Variants in BCR observed in about 807,000 individuals in gnomAD.
The protein encoded by BCR is BCR activator of RhoGEF and GTPase.
Under a neutral mutation model 138.6 loss-of-function variants are expected in BCR, and 58 were observed. That is an observed-to-expected ratio of 0.42 (90% CI 0.34 to 0.52). BCR has a LOEUF of 0.52. BCR is among the 20% of genes least tolerant of loss of function. The pLI, the probability that BCR is intolerant of heterozygous loss-of-function variation, is 0.06. For synonymous variants in BCR, 786 were observed against 730.1 expected, an observed-to-expected ratio of 1.08 and a Z score of -1.23; for missense variants, 1,599 against 1,727.2, an observed-to-expected ratio of 0.93 and a Z score of 1.32.
rs1360504227 is a variant in BCR at position 23,181,410 on chromosome 22, C to T, written c.450C>T (p.Ser150=). ...GERDDRGPPA[S]VAALRSNFER... ...GGGACGACCGGGGACCCCCCGCCAG[C>T]GTGGCGGCGCTCAGGTCCAACTTCG... Residue 150 remains serine, a synonymous_variant, in exon 1 of 23, where the codon AGC becomes AGT. Transcript: ENST00000305877. 6.4e-7 allele frequency: 1 copy of T among 1,572,604 alleles called. No individual in the cohort carries two copies.
At chr22:23,270,017 T>G (rs16998934) in intron 5 of BCR, among the ~76,000 whole-genome samples, 8,774 of 151,472 alleles carry the variant, frequency 0.058, 857 homozygotes, top group African/African-American at 0.2. Context: ...CGTGAAAGTT[T>G]GTGGCACCTG....
At chr22:23,269,356 C>T (rs1033888591) in intron 5 of BCR, among the ~76,000 whole-genome samples, 2 of 152,232 alleles carry the variant, frequency 1.3e-5, no homozygotes, top group Admixed American at 1.3e-4. Flanking sequence ...TCTGACTTGG[C>T]TTTCCCCCAC....
chr22:23,267,380 G>A (rs1333870649), intron 4 of BCR, among the ~76,000 whole-genome samples: 1 of 152,166 alleles, frequency 6.6e-6, no homozygotes, highest in Non-Finnish European at 1.5e-5. Flanking sequence ...TACACTCTAA[G>A]ACCCTTCTTG....
chr22:23,311,604 C>A, intron 18 of BCR, 93 bp from the exon 19 acceptor site: 3 of 1,138,928 alleles, frequency 2.6e-6, no homozygotes, highest in Non-Finnish European at 3.8e-6. Flanking sequence ...CCGTCCTCAC[C>A]CCACCTCCGG....
intron 1 of BCR, among the ~76,000 whole-genome samples, chr22:23,194,877 G>C (rs2146203634): frequency 6.6e-6 from 1 of 152,268 alleles, no homozygotes; most frequent in South Asian, 2.1e-4. Context: ...GGAATTCAGG[G>C]CTGGAGCAAA....
intron 8 of BCR, among the ~76,000 whole-genome samples, chr22:23,276,971 C>T (rs974454060): frequency 3.9e-5 from 6 of 152,196 alleles, no homozygotes; most frequent in Admixed American, 6.5e-5. Context: ...TCACAGCCTG[C>T]GAGGGACTTT....
intron 5 of BCR, among the ~76,000 whole-genome samples, chr22:23,270,400 C>T (rs981266110): frequency 2.0e-5 from 3 of 152,206 alleles, no homozygotes; most frequent in African/African-American, 7.2e-5. Flanking sequence ...GCAGGTTTTC[C>T]TGGAGCTCCT....
At chr22:23,231,150 A>G (rs900845713) in intron 1 of BCR, among the ~76,000 whole-genome samples, 5 of 152,164 alleles carry the variant, frequency 3.3e-5, no homozygotes, top group African/African-American at 1.2e-4. Flanking sequence ...CCTAATGGGA[A>G]AGAAGGGATT....
At chr22:23,258,908 G>A (rs2073325824) in intron 2 of BCR, among the ~76,000 whole-genome samples, 1 of 152,248 alleles carries the variant, frequency 6.6e-6, no homozygotes, top group East Asian at 1.9e-4. Flanking sequence ...AAGTGGACGG[G>A]GCTGTCACAG....
chr22:23,189,747 G>T (rs564393978), intron 1 of BCR, among the ~76,000 whole-genome samples: 7 of 152,066 alleles, frequency 4.6e-5, no homozygotes, highest in South Asian at 4.1e-4. Flanking sequence ...TGATCCACCC[G>T]CCTCGGCCTC....
At chr22:23,183,895 T>C (rs2072304019) in intron 1 of BCR, among the ~76,000 whole-genome samples, 1 of 152,132 alleles carries the variant, frequency 6.6e-6, no homozygotes, top group Non-Finnish European at 1.5e-5. Flanking sequence ...AGTAAATGAA[T>C]ATAGGAATTA....
intron 1 of BCR, among the ~76,000 whole-genome samples, chr22:23,244,876 A>G (rs774757240): frequency 1.3e-5 from 2 of 152,140 alleles, no homozygotes; most frequent in South Asian, 2.1e-4. Flanking sequence ...CCGGCCCCCA[A>G]CCTGAAGCCT....
rs779887087 is a variant in BCR, at chr22:23,271,582, C to T, written c.1911C>T (p.Asn637=). The part of the protein sequence containing the change: ...NKDAKDPTTK[N]SLETLLYKPV... ...ATGCCAAGGATCCAACGACCAAGAA[C>T]TCTCTGGAAAGTGAGTTCTGCATGC... Residue 637 remains asparagine, a synonymous_variant, in exon 6 of 23, where the codon AAC becomes AAT. Coordinates refer to ENST00000305877, the MANE Select transcript of BCR (RefSeq NM_004327.4). 8.1e-6 allele frequency: 13 copies of T among 1,613,902 alleles called. 1 individual carries two copies. In the South Asian group the frequency reaches 1.3e-4, roughly 16 times the overall value.
rs577792521 is a variant in BCR at position 23,272,952 on chromosome 22, G to A, written c.1922-129G>A. 8.9e-5 allele frequency: 85 copies of A among 958,558 alleles called. No homozygotes were observed. In the Middle Eastern group the frequency reaches 9.7e-4, roughly 11 times the overall value. 59.4% of individuals were successfully genotyped at this position (958,558 alleles called of 1,614,324 possible). ...GCTCTAGCCTTGCCCTTGTCACTGC[G>A]CAGAGGGGAGATGGGGCCTGTGGAG... On this transcript the variant is annotated intron_variant, in intron 6 of 22. Coordinates refer to ENST00000305877, the MANE Select transcript of BCR (RefSeq NM_004327.4).
At chr22:23,283,649 T>G (rs1476437442) in intron 8 of BCR, 1 of 238,866 alleles carries the variant, frequency 4.2e-6, no homozygotes, top group Non-Finnish European at 8.1e-6. Context: ...GCAGACTGTT[T>G]GCTTGGCTGT....
chr22:23,269,191 A>C (rs2073480627), intron 5 of BCR, among the ~76,000 whole-genome samples: 2 of 152,218 alleles, frequency 1.3e-5, no homozygotes, highest in African/African-American at 4.8e-5. Context: ...CCCAGCCAGA[A>C]CCAGAACCCA....
chr22:23,185,670 A>C (rs550324862), intron 1 of BCR, among the ~76,000 whole-genome samples: 5 of 149,160 alleles, frequency 3.4e-5, no homozygotes, highest in African/African-American at 1.2e-4. Context: ...AGTCTCAAAA[A>C]ACAAACAAAA....
At chr22:23,247,925 T>C (rs2073173746) in intron 1 of BCR, among the ~76,000 whole-genome samples, 1 of 152,244 alleles carries the variant, frequency 6.6e-6, no homozygotes, top group South Asian at 2.1e-4. Context: ...GATGTTCCAT[T>C]GCGTGTATAC....
At position 23,313,958 on chromosome 22, in the gene BCR, C is replaced by T; in HGVS notation, c.3458-10C>T. On this transcript the variant is annotated splice_polypyrimidine_tract_variant and intron_variant, in intron 20 of 22. Transcript: ENST00000305877. ...TGTGACCCCAAGGAGTAACCCACCG[C>T]CTTCTGCAGCTCTTTCAGACCCGGT... 1 of 1,612,558 alleles carries T rather than the reference C, an allele frequency of 6.2e-7. No individual in the cohort carries two copies. Among genetic ancestry groups the T allele is most frequent in the Non-Finnish European group, 8.5e-7 (1 of 1,178,992 alleles).
Sources: gnomAD v4.1 joint callset for allele counts (sites outside exome capture counted in the v4.1 genomes callset) on GRCh38, gnomAD v4.1.1 for gene constraint, MANE v1.5 for transcripts, NCBI Gene and HGNC (gene_info 2026-07-23, HGNC 2026-07-21) for gene names.